The following CBLB variants were observed in gnomAD, a reference collection of about 807,000 sequenced individuals.
The protein encoded by CBLB is E3 ubiquitin-protein ligase CBL-B.
In CBLB, 31 loss-of-function variants were observed where a neutral mutation model predicts 104.9. The observed-to-expected ratio is 0.30, with a 90% CI of 0.22 to 0.40. The LOEUF (loss-of-function observed/expected upper bound fraction) is 0.40. Among genes scored for constraint, CBLB ranks in the 10% least tolerant of loss-of-function variants. The pLI is 1.00. For synonymous variants in CBLB, 440 were observed against 422.6 expected (o/e 1.04, Z -0.51); for missense variants, 1,062 against 1,214.6 (o/e 0.87, Z 1.87).
chr3:105,868,552 T>C, intron 1 of CBLB, 184 bp downstream of exon 1: 1 of 345,528 alleles, frequency 2.9e-6, no homozygotes, highest in African/African-American at 2.1e-5. Context: ...CTGGACGCCC[T>C]CTCCCTCCTC....
rs775545683 is a variant in CBLB, at chr3:105,702,152, G to A, written c.1901C>T (p.Ser634Phe). The A allele has an allele frequency of 1.2e-6, 2 of 1,614,194 alleles. No homozygotes were observed. Among genetic ancestry groups the A allele is most frequent in the Non-Finnish European group, 1.7e-6 (2 of 1,180,026 alleles). Residue 634 changes from serine (S) to phenylalanine (F), a missense_variant, in exon 12 of 19, where the codon TCT becomes TTT. Ser to Phe is a radical substitution (Grantham distance 155). This residue lies in a region of CBLB where 605 missense variants were observed against 582.6 expected (regional missense o/e 1.04). Coordinates refer to ENST00000394030, the MANE Select transcript of CBLB (RefSeq NM_170662.5). ...GTGTTTCCGCATAAGCACTGGGTCA[G>A]AGCCCACTCTACTGTGCCTTCCATT... ...NVNGRHSRVG[S>F]DPVLMRKHRR...
At chr3:105,858,213 G>A (rs761350794) in intron 2 of CBLB, among the ~76,000 whole-genome samples, 2 of 152,094 alleles carry the variant, frequency 1.3e-5, no homozygotes, top group Admixed American at 6.5e-5. Context: ...CACTGGGTGC[G>A]CAGTTCATCA....
chr3:105,696,200 T>C (rs1031159632), intron 12 of CBLB, among the ~76,000 whole-genome samples: 20 of 151,704 alleles, frequency 1.3e-4, no homozygotes, highest in African/African-American at 4.8e-4. Flanking sequence ...GGAATAGAAC[T>C]GTATAGTTCT....
intron 3 of CBLB, among the ~76,000 whole-genome samples, chr3:105,847,992 A>G (rs1194748691): frequency 2.0e-5 from 3 of 152,014 alleles, no homozygotes; most frequent in African/African-American, 7.2e-5. Context: ...AGACTTCTCC[A>G]CATGTTCTTT....
rs1050939313 is a variant in CBLB at position 105,832,801 on chromosome 3, C to T, written c.419+20613G>A. On this transcript the variant is annotated intron_variant, in intron 3 of 18. Coordinates refer to ENST00000394030, the MANE Select transcript of CBLB (RefSeq NM_170662.5). ...TTCAATCTGTATTGAGTACCTACAC[C>T]GTGTTGGAAATGAAGTAGGCACTGT... Among the ~76,000 whole-genome samples the T allele has an allele frequency of 3.3e-5, 5 of 152,092 alleles. No individual in the cohort carries two copies. In the East Asian group the frequency reaches 7.7e-4, roughly 23 times the overall value.
At chr3:105,718,009 A>G (rs2072172532) in intron 10 of CBLB, among the ~76,000 whole-genome samples, 1 of 152,166 alleles carries the variant, frequency 6.6e-6, no homozygotes, top group Admixed American at 6.5e-5. Context: ...AAGAGGTTAT[A>G]TAACTTGCCT....
At chr3:105,779,031 T>A (rs2079819598) in intron 3 of CBLB, among the ~76,000 whole-genome samples, 1 of 152,180 alleles carries the variant, frequency 6.6e-6, no homozygotes. Flanking sequence ...TTACCAAACT[T>A]CCAATTGATA....
At chr3:105,693,345 T>A in intron 13 of CBLB, 149 bp downstream of exon 13, 1 of 643,328 alleles carries the variant, frequency 1.6e-6, no homozygotes, top group Non-Finnish European at 2.8e-6. Context: ...GGATCTTAAT[T>A]TATGGTAATT....
chr3:105,800,280 T>A, intron 3 of CBLB, among the ~76,000 whole-genome samples: 1 of 152,132 alleles, frequency 6.6e-6, no homozygotes, highest in East Asian at 1.9e-4. Context: ...ACATGGCTAT[T>A]AGAGAGTTCA....
At chr3:105,808,509 A>G (rs575882638) in intron 3 of CBLB, among the ~76,000 whole-genome samples, 5 of 152,302 alleles carry the variant, frequency 3.3e-5, no homozygotes, top group African/African-American at 1.2e-4. Flanking sequence ...AAGCTGTCTT[A>G]TGTCATTACA....
chr3:105,865,592 A>C (rs2092380317), intron 2 of CBLB, among the ~76,000 whole-genome samples: 1 of 152,246 alleles, frequency 6.6e-6, no homozygotes, highest in Non-Finnish European at 1.5e-5. Flanking sequence ...ACTCATGGTG[A>C]AATAATTAAA....
At chr3:105,759,388 T>C (rs1461003408) in intron 4 of CBLB, among the ~76,000 whole-genome samples, 1 of 152,204 alleles carries the variant, frequency 6.6e-6, no homozygotes, top group Non-Finnish European at 1.5e-5. Flanking sequence ...AGGCTGTCCC[T>C]GTCTTGAAGG....
At chr3:105,830,281 T>C (rs2087285744) in intron 3 of CBLB, among the ~76,000 whole-genome samples, 1 of 152,234 alleles carries the variant, frequency 6.6e-6, no homozygotes, top group South Asian at 2.1e-4. Context: ...AGATTGCCCA[T>C]TGTTTATATG....
At chr3:105,780,648 G>GTTTTTTTTTTTTT (rs1553788866) in intron 3 of CBLB, among the ~76,000 whole-genome samples, 1 of 105,054 alleles carries the variant, frequency 9.5e-6, no homozygotes, top group Non-Finnish European at 1.9e-5. Context: ...TACAATAAAA[G>GTTTTTTTTTTTTT]TTTTGTTTTT....
intron 2 of CBLB, among the ~76,000 whole-genome samples, chr3:105,858,412 A>G (rs1369604276): frequency 6.6e-6 from 1 of 152,198 alleles, no homozygotes; most frequent in African/African-American, 2.4e-5. Flanking sequence ...GCAGTATATT[A>G]GAGAGAAAAT....
chr3:105,739,565 T>C (rs1465654438), intron 7 of CBLB, among the ~76,000 whole-genome samples: 1 of 152,172 alleles, frequency 6.6e-6, no homozygotes, highest in Non-Finnish European at 1.5e-5. Context: ...GTCCATACTT[T>C]GTGTGTGGAG....
intron 3 of CBLB, among the ~76,000 whole-genome samples, chr3:105,826,072 T>C (rs547994539): frequency 3.9e-5 from 3 of 77,148 alleles, no homozygotes; most frequent in Non-Finnish European, 9.1e-5. Context: ...ACACTGGAGT[T>C]TGAAATGGCT....
chr3:105,808,640 C>T (rs2153034332), intron 3 of CBLB, among the ~76,000 whole-genome samples: 1 of 152,216 alleles, frequency 6.6e-6, no homozygotes, highest in East Asian at 1.9e-4. Flanking sequence ...AAATCTATGA[C>T]TTAAATCTCA....
At position 105,785,189 on chromosome 3, in the gene CBLB, A is replaced by T. The variant is rs572004820; in HGVS notation, c.420-8647T>A. 9.8e-4 allele frequency among the ~76,000 whole-genome samples: 150 copies of T among 152,338 alleles called. 1 individual carries two copies. Among genetic ancestry groups the T allele is most frequent in the Non-Finnish European group, 1.6e-3 (110 of 68,028 alleles). ...CTTCTTAAAATAGCTATCAAATAAA[A>T]GTTTGTTAATTTCAAAGATTATAAA... On this transcript the variant is annotated intron_variant, in intron 3 of 18. Transcript: ENST00000394030.
Sources: allele counts gnomAD v4.1 joint callset (sites outside exome capture counted in the v4.1 genomes callset), GRCh38; gene constraint gnomAD v4.1.1; regional missense constraint gnomAD v4.1.1; transcripts MANE v1.5; gene names NCBI Gene and HGNC (gene_info 2026-07-23, HGNC 2026-07-21).